RTTN: variants seen among roughly 807,000 people sequenced by gnomAD.
RTTN encodes rotatin.
In RTTN, 182 loss-of-function variants were observed where a neutral mutation model predicts 269.2. The ratio of observed to expected loss-of-function variants is 0.68; its 90% CI spans 0.60 to 0.76. RTTN has a LOEUF of 0.76. Among genes scored for constraint, RTTN ranks in the 30% least tolerant of loss-of-function variants. RTTN has a pLI of 0.00. For missense variants in RTTN, 2,545 were observed against 2,608.6 expected (o/e 0.98, Z 0.53); for synonymous variants, 1,006 against 963.5 (o/e 1.04, Z -0.82).
chr18:70,012,772 T>A (rs967344478), intron 46 of RTTN, among the ~76,000 whole-genome samples: 1 of 152,210 alleles, frequency 6.6e-6, no homozygotes, highest in East Asian at 1.9e-4. Context: ...CAGGGCAACG[T>A]CTGCTCACTG....
chr18:70,088,696 T>A (rs979926028), intron 30 of RTTN, among the ~76,000 whole-genome samples: 1 of 152,174 alleles, frequency 6.6e-6, no homozygotes, highest in Non-Finnish European at 1.5e-5. Flanking sequence ...AAGCCACACG[T>A]TTTGGTAAAT....
intron 40 of RTTN, among the ~76,000 whole-genome samples, chr18:70,041,072 T>C (rs774972551): frequency 1.3e-5 from 2 of 151,798 alleles, no homozygotes. Context: ...CTGGGCACGG[T>C]GGCAAGCGCC....
chr18:70,152,814 C>A (rs923418054), intron 14 of RTTN, among the ~76,000 whole-genome samples: 5 of 152,156 alleles, frequency 3.3e-5, no homozygotes, highest in African/African-American at 1.2e-4. Context: ...GGTCTTCTTG[C>A]TTCCATCCTG....
intron 28 of RTTN, among the ~76,000 whole-genome samples, chr18:70,100,937 A>G (rs2059145494): frequency 6.6e-6 from 1 of 152,174 alleles, no homozygotes; most frequent in Non-Finnish European, 1.5e-5. Context: ...CCACTTGATC[A>G]TGGTGGATAA....
intron 12 of RTTN, 52 bp downstream of exon 12, chr18:70,168,803 T>A: frequency 7.3e-7 from 1 of 1,373,100 alleles, no homozygotes; most frequent in Non-Finnish European, 1.0e-6. Flanking sequence ...ATAGATTAAA[T>A]TTTCAAAATA....
intron 40 of RTTN, among the ~76,000 whole-genome samples, chr18:70,046,704 T>C (rs2144764857): frequency 6.6e-6 from 1 of 152,288 alleles, no homozygotes; most frequent in Non-Finnish European, 1.5e-5. Flanking sequence ...CTCCCAAGAA[T>C]AAGAGGCTTT....
At chr18:70,020,478 C>T (rs1159841216) in intron 45 of RTTN, 137 bp downstream of exon 45, 1 of 864,968 alleles carries the variant, frequency 1.2e-6, no homozygotes, top group Non-Finnish European at 1.8e-6. Context: ...AAGTGAACCT[C>T]TTAACCCTTT....
chr18:70,135,084 G>C (rs2060091913), intron 22 of RTTN, 100 bp downstream of exon 22: 1 of 656,486 alleles, frequency 1.5e-6, no homozygotes, highest in Admixed American at 3.3e-5. Flanking sequence ...GACAGCATAA[G>C]CTTCGTAAAT....
At chr18:70,076,194 C>A (rs2058425660) in intron 32 of RTTN, among the ~76,000 whole-genome samples, 1 of 151,908 alleles carries the variant, frequency 6.6e-6, no homozygotes, top group Non-Finnish European at 1.5e-5. Flanking sequence ...CCTGGAGTAT[C>A]TAATAGCAAA....
chr18:70,176,164 C>CATGTAT (rs893246995), intron 11 of RTTN, among the ~76,000 whole-genome samples: 2 of 151,476 alleles, frequency 1.3e-5, no homozygotes, highest in African/African-American at 4.9e-5. Flanking sequence ...CAAACATATA[C>CATGTAT]ATGTATATGT....
rs199546509 is a variant in RTTN, at chr18:70,020,688, G to C, written c.6080C>G (p.Thr2027Arg). 6 of 1,613,906 alleles carry C rather than the reference G, an allele frequency of 3.7e-6. No homozygotes were observed. In the Admixed American group the frequency reaches 1.0e-4, roughly 27 times the overall value. ...LASQMPLENT[T>R]VQQMVFMLLS... ...AAGCATAAAAACCATCTGCTGAACCGTGGTGTTCTCCAGTGGCATCTGGGA... is the reference window on the plus strand; with the variant it reads ...AAGCATAAAAACCATCTGCTGAACCCTGGTGTTCTCCAGTGGCATCTGGGA... The change falls in exon 45 of 49, where the codon ACG becomes AGG. Residue 2027 changes from threonine (T) to arginine (R), a missense_variant. Thr to Arg is a moderately conservative substitution (Grantham distance 71). Transcript: ENST00000640769.
chr18:70,015,977 G>A (rs536881652), intron 46 of RTTN, among the ~76,000 whole-genome samples: 1 of 152,268 alleles, frequency 6.6e-6, no homozygotes, highest in South Asian at 2.1e-4. Context: ...TTTTACAAAT[G>A]TGAGGGCTGA....
chr18:70,106,443 A>G (rs532123089), intron 28 of RTTN, among the ~76,000 whole-genome samples: 1 of 152,372 alleles, frequency 6.6e-6, no homozygotes, highest in Non-Finnish European at 1.5e-5. Flanking sequence ...GCCAAACAGT[A>G]TTAGGTAAGT....
intron 11 of RTTN, among the ~76,000 whole-genome samples, chr18:70,173,783 A>G (rs2145959942): frequency 6.6e-6 from 1 of 152,374 alleles, no homozygotes; most frequent in South Asian, 2.1e-4. Context: ...AAGATTTTAA[A>G]GAAATATTTA....
rs1300784702 is a variant in RTTN, at chr18:70,142,314, G to A, written c.2555C>T (p.Ala852Val). 1 of 1,604,330 alleles carries A rather than the reference G, an allele frequency of 6.2e-7. No homozygotes were observed. The highest frequency in any genetic ancestry group is 8.5e-7 in the Non-Finnish European group (1 of 1,173,908). ...DVDLVLRKSAAEQLAVIMQDI... is the reference protein window; with the variant it reads ...DVDLVLRKSAVEQLAVIMQDI... ...TTGCATAATCACAGCTAACTGTTCAGCAGCTGACTTTCTCAAAACGAGATC... is the reference window on the plus strand; with the variant it reads ...TTGCATAATCACAGCTAACTGTTCAACAGCTGACTTTCTCAAAACGAGATC... Residue 852 changes from alanine to valine, a missense_variant, in exon 19 of 49, where the codon GCT (alanine) becomes GTT (valine). By Grantham distance (64) the Ala-to-Val change is moderately conservative. Transcript: ENST00000640769.
chr18:70,111,524 C>T (rs563167624), intron 27 of RTTN, among the ~76,000 whole-genome samples: 1 of 151,724 alleles, frequency 6.6e-6, no homozygotes, highest in South Asian at 2.1e-4. Flanking sequence ...CTCAAAGATC[C>T]CAACCGAAGG....
Position 70,024,813 on chromosome 18 carries a change from C to T in RTTN, c.5859G>A (p.Leu1953=), listed in dbSNP as rs1175109327. The change falls in exon 44 of 49, where the codon TTG becomes TTA. Residue 1953 remains leucine, a synonymous_variant. Coordinates refer to ENST00000640769, the MANE Select transcript of RTTN (RefSeq NM_173630.4). ...TCAAAATCCAAGGCCAGAGAGAGTGCAAGACAGGGACAAGGTGAGCTTCAA... is the reference window on the plus strand; with the variant it reads ...TCAAAATCCAAGGCCAGAGAGAGTGTAAGACAGGGACAAGGTGAGCTTCAA... ...AALEAHLVPV[L]HSLWPWILMD... 1.2e-6 allele frequency: 2 copies of T among 1,613,824 alleles called. No homozygotes were observed. Among genetic ancestry groups the T allele is most frequent in the Non-Finnish European group, 1.7e-6 (2 of 1,179,892 alleles).
chr18:70,107,469 G>A (rs1454845242), intron 28 of RTTN, among the ~76,000 whole-genome samples: 1 of 152,180 alleles, frequency 6.6e-6, no homozygotes, highest in African/African-American at 2.4e-5. Flanking sequence ...ATAGAACTAT[G>A]TACAACCATA....
At chr18:70,174,551 T>C (rs1182910641) in intron 11 of RTTN, among the ~76,000 whole-genome samples, 2 of 152,066 alleles carry the variant, frequency 1.3e-5, no homozygotes, top group Non-Finnish European at 2.9e-5. Context: ...CATAGTGTTA[T>C]TTATCAAAAT....
Sources: gnomAD v4.1 joint callset for allele counts (sites outside exome capture counted in the v4.1 genomes callset) on GRCh38, gnomAD v4.1.1 for gene constraint, MANE v1.5 for transcripts, NCBI Gene and HGNC (gene_info 2026-07-23, HGNC 2026-07-21) for gene names.